Variants in KCNQ1OT1 observed in about 807,000 individuals in gnomAD.
KCNQ1OT1 encodes KCNQ1 opposite strand/antisense transcript 1, also known as KCNQ1 antisense RNA 2 (non-protein coding).
At position 2,623,191 on chromosome 11, in the gene KCNQ1OT1, C is replaced by T. The variant is rs577894206; in HGVS notation, n.76804G>A. ...TGCCTGCTTCTCCTTTGCCTTCCGC[C>T]ATGATTTTAAGTTTCTGAGGCCTGC... On this transcript the variant is annotated non_coding_transcript_exon_variant, in exon 1 of 1. Transcript: ENST00000597346. This position sits in a 1 kb window ranked among gnomAD's most constrained non-coding sequence, Gnocchi z 5.2. The T allele has an allele frequency of 3.7e-4, 146 of 398,642 alleles. 1 individual carries two copies. Among genetic ancestry groups the T allele is most frequent in the African/African-American group, 2.6e-3 (125 of 48,712 alleles). The allele number at this position is 398,642 out of a possible 1,614,324, so 24.7% of individuals were successfully genotyped here. A position where few individuals can be genotyped will look rare whatever the true frequency, so the allele number is the denominator to read the frequency against.
rs756441859 is a variant in KCNQ1OT1 at position 2,678,202 on chromosome 11, T to G, written n.21793A>C. ...GTGGCAGAATTTTTTTAATTTCACA[T>G]AGTCAGCTGTGTCAGTCTTTTATGG... On this transcript the variant is annotated non_coding_transcript_exon_variant, in exon 1 of 1. Transcript: ENST00000597346. The surrounding 1 kb of genome is among the most constrained non-coding windows in gnomAD (Gnocchi z 4.9). The G allele has an allele frequency of 2.5e-6, 1 of 398,278 alleles. No homozygotes were observed. The highest frequency in any genetic ancestry group is 2.1e-5 in the African/African-American group (1 of 48,640). The allele number at this position is 398,278 out of a possible 1,614,324, so 24.7% of individuals were successfully genotyped here.
In KCNQ1OT1 at chr11:2,673,172, G is replaced by A. The variant is rs189011741; in HGVS notation, n.26823C>T. On this transcript the variant is annotated non_coding_transcript_exon_variant, in exon 1 of 1. Coordinates refer to ENST00000597346, the Ensembl canonical transcript of KCNQ1OT1. This position sits in a 1 kb window ranked among gnomAD's most constrained non-coding sequence, Gnocchi z 4.5. ...CTGACCCAAGCACGAGGATCAGAAT[G>A]GGCCCTGGAGCCAAGGCCAAAAGCC... The A allele has an allele frequency of 7.0e-5, 28 of 398,722 alleles. 2 individuals carry two copies. The highest frequency in any genetic ancestry group is 4.3e-4 in the African/African-American group (21 of 48,760). 24.7% of individuals were successfully genotyped at this position (398,722 alleles called of 1,614,324 possible).
chr11:2,699,786 G>A lies in KCNQ1OT1; in HGVS notation n.209C>T, dbSNP rs368676505. On this transcript the variant is annotated non_coding_transcript_exon_variant, in exon 1 of 1. Transcript: ENST00000597346. The stretch of plus-strand genomic sequence containing the variant: ...GCGCTGAGGAGCCCCGAGGAGAACC[G>A]CGCCGAGGGGCGCGCCGGGGAGAAC... The A allele has an allele frequency of 8.3e-4, 329 of 396,964 alleles. 3 individuals are homozygous for A. Among genetic ancestry groups the A allele is most frequent in the African/African-American group, 1.2e-3 (60 of 48,258 alleles). The allele number at this position is 396,964 out of a possible 1,614,324, so 24.6% of individuals were successfully genotyped here.
rs1310553789 is a variant in KCNQ1OT1 at position 2,623,685 on chromosome 11, C to T, written n.76310G>A. ...TCTACTCACCTATGGAAGGACATCT[C>T]GGTTGCTTCCAATTTCAACAATCAC... is the stretch of plus-strand genomic sequence containing the variant. On this transcript the variant is annotated non_coding_transcript_exon_variant, in exon 1 of 1. Coordinates refer to ENST00000597346, the Ensembl canonical transcript of KCNQ1OT1. This position sits in a 1 kb window ranked among gnomAD's most constrained non-coding sequence, Gnocchi z 5.2. The T allele has an allele frequency of 2.3e-5, 9 of 398,374 alleles. No homozygotes were observed. The highest frequency in any genetic ancestry group is 1.2e-4 in the African/African-American group (6 of 48,616). 24.7% of individuals were successfully genotyped at this position (398,374 alleles called of 1,614,324 possible). A position where few individuals can be genotyped will look rare whatever the true frequency, so the allele number is the denominator to read the frequency against.
chr11:2,639,175 C>T (rs1033309284), exon 1 of KCNQ1OT1: 35 of 152,142 alleles, frequency 2.3e-4, no homozygotes, highest in African/African-American at 7.0e-4. Flanking sequence ...TCCTTTAGCT[C>T]GGAGAAGTTT....
Position 2,626,267 on chromosome 11 carries a change from A to G in KCNQ1OT1, n.73728T>C, listed in dbSNP as rs1046778882. The stretch of plus-strand genomic sequence containing the variant: ...GTCTCAACTTCATTCTCTTTTATAC[A>G]TGGTTAGGTAAGGATCTCAACTTCA... On this transcript the variant is annotated non_coding_transcript_exon_variant, in exon 1 of 1. Transcript: ENST00000597346. This position sits in a 1 kb window ranked among gnomAD's most constrained non-coding sequence, Gnocchi z 4.0. 2 of 398,360 alleles carry G rather than the reference A, an allele frequency of 5.0e-6. No homozygotes were observed. The highest frequency in any genetic ancestry group is 8.8e-6 in the Non-Finnish European group (2 of 226,064). The allele number at this position is 398,360 out of a possible 1,614,324, so 24.7% of individuals were successfully genotyped here.
chr11:2,633,350 C>T, exon 1 of KCNQ1OT1: 1 of 398,330 alleles, frequency 2.5e-6, no homozygotes, highest in South Asian at 1.3e-4. Context: ...TTATTATTTC[C>T]TTTTATGTGT....
chr11:2,682,302 C>T lies in KCNQ1OT1; in HGVS notation n.17693G>A, dbSNP rs375427674. ...GGCTGTAAAAAATCACATACCTCCC[C>T]TCCCATTCTTAATGTGTAACTGTGT... On this transcript the variant is annotated non_coding_transcript_exon_variant, in exon 1 of 1. Coordinates refer to ENST00000597346, the Ensembl canonical transcript of KCNQ1OT1. This position sits in a 1 kb window ranked among gnomAD's most constrained non-coding sequence, Gnocchi z 5.8. 2.8e-5 allele frequency: 11 copies of T among 398,628 alleles called. No individual in the cohort carries two copies. The East Asian group carries it at 3.9e-4, about 14-fold the overall frequency. 24.7% of individuals were successfully genotyped at this position (398,628 alleles called of 1,614,324 possible).
chr11:2,693,820 G>A (rs1207774660), exon 1 of KCNQ1OT1: 20 of 398,794 alleles, frequency 5.0e-5, no homozygotes, highest in Non-Finnish European at 1.3e-5. Flanking sequence ...AAAGGCACCG[G>A]AAGGAAAGGC....
At chr11:2,628,924 T>C (rs753147962) in exon 1 of KCNQ1OT1, 3 of 398,346 alleles carry the variant, frequency 7.5e-6, no homozygotes, top group Non-Finnish European at 1.3e-5. Context: ...TAGTTGACCA[T>C]AAATGTGTGG....
In KCNQ1OT1 at chr11:2,675,876, A is replaced by G. The variant is rs1352272596; in HGVS notation, n.24119T>C. On this transcript the variant is annotated non_coding_transcript_exon_variant, in exon 1 of 1. Transcript: ENST00000597346. Reference sequence around the variant, plus strand: ...GCCAACACCTGCCTTCTGGGGAGCCAATCGTGCTTTATGTATTCAAGGGTT... The same window carrying G: ...GCCAACACCTGCCTTCTGGGGAGCCGATCGTGCTTTATGTATTCAAGGGTT... The G allele has an allele frequency of 1.0e-5, 4 of 398,596 alleles. No homozygotes were observed. In the East Asian group the frequency reaches 1.4e-4, roughly 14 times the overall value. 24.7% of individuals were successfully genotyped at this position (398,596 alleles called of 1,614,324 possible).
In KCNQ1OT1 at chr11:2,698,959, C is replaced by G. The variant is rs1288812924; in HGVS notation, n.1036G>C. ...TTCTGATCCCAACTAGGATACCTAA[C>G]TCAGAACCACAACGGGGATTCCCAC... On this transcript the variant is annotated non_coding_transcript_exon_variant, in exon 1 of 1. Coordinates refer to ENST00000597346, the Ensembl canonical transcript of KCNQ1OT1. This position sits in a 1 kb window ranked among gnomAD's most constrained non-coding sequence, Gnocchi z 5.1. 1.0e-5 allele frequency: 4 copies of G among 398,530 alleles called. No homozygotes were observed. The highest frequency in any genetic ancestry group is 1.3e-5 in the Non-Finnish European group (3 of 226,092). 24.7% of individuals were successfully genotyped at this position (398,530 alleles called of 1,614,324 possible).
chr11:2,679,888 T>G lies in KCNQ1OT1; in HGVS notation n.20107A>C, dbSNP rs1850360923. 5.1e-6 allele frequency: 2 copies of G among 393,740 alleles called. No homozygotes were observed. Among genetic ancestry groups the G allele is most frequent in the Non-Finnish European group, 4.4e-6 (1 of 225,590 alleles). The allele number at this position is 393,740 out of a possible 1,614,324, so 24.4% of individuals were successfully genotyped here. A position where few individuals can be genotyped will look rare whatever the true frequency, so the allele number is the denominator to read the frequency against. ...TAAACTTAGAACTAGCACGCCTAAT[T>G]TTTTTTTTATTTTTATTTTTTTTGA... On this transcript the variant is annotated non_coding_transcript_exon_variant, in exon 1 of 1. Coordinates refer to ENST00000597346, the Ensembl canonical transcript of KCNQ1OT1. This position sits in a 1 kb window ranked among gnomAD's most constrained non-coding sequence, Gnocchi z 4.8.
exon 1 of KCNQ1OT1, chr11:2,629,679 G>A: frequency 2.5e-6 from 1 of 398,448 alleles, no homozygotes; most frequent in Admixed American, 4.4e-5. Context: ...TATTCTTTTT[G>A]ATGCTATTTT....
In KCNQ1OT1 at chr11:2,682,212, T is replaced by C. The variant is rs1850410020; in HGVS notation, n.17783A>G. 1 of 398,588 alleles carries C rather than the reference T, an allele frequency of 2.5e-6. No individual in the cohort carries two copies. The highest frequency in any genetic ancestry group is 2.1e-5 in the African/African-American group (1 of 48,730). The allele number at this position is 398,588 out of a possible 1,614,324, so 24.7% of individuals were successfully genotyped here. On this transcript the variant is annotated non_coding_transcript_exon_variant, in exon 1 of 1. Coordinates refer to ENST00000597346, the Ensembl canonical transcript of KCNQ1OT1. The surrounding 1 kb of genome is among the most constrained non-coding windows in gnomAD (Gnocchi z 5.8). ...CCCCTTCCCCAGGCCAGGACTGTCT[T>C]ATCCTGTGGTTCTTAGCTGAAATGT...
In KCNQ1OT1 at chr11:2,657,489, A is replaced by G. The variant is rs1346837139; in HGVS notation, n.42506T>C. The G allele has an allele frequency of 3.8e-5, 15 of 398,382 alleles. No homozygotes were observed. Among genetic ancestry groups the G allele is most frequent in the Middle Eastern group, 6.2e-4 (1 of 1,610 alleles). 24.7% of individuals were successfully genotyped at this position (398,382 alleles called of 1,614,324 possible). A position where few individuals can be genotyped will look rare whatever the true frequency, so the allele number is the denominator to read the frequency against. On this transcript the variant is annotated non_coding_transcript_exon_variant, in exon 1 of 1. Coordinates refer to ENST00000597346, the Ensembl canonical transcript of KCNQ1OT1. The surrounding 1 kb of genome is among the most constrained non-coding windows in gnomAD (Gnocchi z 4.8). ...AGGTTCTGTTTTCTCTTGTTACCTC[A>G]CATTTTTTATTTACAGAAGAGAAAC...
rs2133808536 is a variant in KCNQ1OT1 at position 2,624,793 on chromosome 11, T to G, written n.75202A>C. 1 of 398,588 alleles carries G rather than the reference T, an allele frequency of 2.5e-6. No individual in the cohort carries two copies. The highest frequency in any genetic ancestry group is 4.4e-5 in the Admixed American group (1 of 22,730). The allele number at this position is 398,588 out of a possible 1,614,324, so 24.7% of individuals were successfully genotyped here. A position where few individuals can be genotyped will look rare whatever the true frequency, so the allele number is the denominator to read the frequency against. ...AACCACCTTGTACTTTCTATGTCTC[T>G]GATTTGACTATTCTACATACCTCAT... On this transcript the variant is annotated non_coding_transcript_exon_variant, in exon 1 of 1. Coordinates refer to ENST00000597346, the Ensembl canonical transcript of KCNQ1OT1. This position sits in a 1 kb window ranked among gnomAD's most constrained non-coding sequence, Gnocchi z 4.9.
chr11:2,689,913 T>C (rs1850561219), exon 1 of KCNQ1OT1: 2 of 398,760 alleles, frequency 5.0e-6, no homozygotes, highest in Non-Finnish European at 4.4e-6. Context: ...TGCTCCAACT[T>C]CTGGTACTCC....
chr11:2,677,691 T>C lies in KCNQ1OT1; in HGVS notation n.22304A>G. 2.5e-6 allele frequency: 1 copy of C among 398,638 alleles called. No homozygotes were observed. Among genetic ancestry groups the C allele is most frequent in the Non-Finnish European group, 4.4e-6 (1 of 226,054 alleles). 24.7% of individuals were successfully genotyped at this position (398,638 alleles called of 1,614,324 possible). The stretch of plus-strand genomic sequence containing the variant: ...AAATAATATTTTAACTACTGTTATT[T>C]TTCAAATTAACTTCCCAATCAAATA... On this transcript the variant is annotated non_coding_transcript_exon_variant, in exon 1 of 1. Transcript: ENST00000597346. The surrounding 1 kb of genome is among the most constrained non-coding windows in gnomAD (Gnocchi z 4.5).
Sources: allele counts gnomAD v4.1 joint callset, GRCh38; gene constraint gnomAD v4.1.1; non-coding constraint Gnocchi (gnomAD v3.1); transcripts MANE v1.5; gene names NCBI Gene and HGNC (gene_info 2026-07-23, HGNC 2026-07-21).